WDR27: variants seen among roughly 807,000 people sequenced by gnomAD.
WDR27 encodes the protein WD repeat domain 27, also known as WD repeat-containing protein 27.
WDR27 carries 100 observed loss-of-function variants against 114.4 expected under a neutral mutation model. That is an observed-to-expected ratio of 0.87 (90% CI 0.74 to 1.03). WDR27 has a LOEUF of 1.03. Among genes scored for constraint, WDR27 ranks in the 50% least tolerant of loss-of-function variants. The pLI, the probability that WDR27 is intolerant of heterozygous loss-of-function variation, is 0.00. For missense variants in WDR27, 1,129 were observed against 1,092.9 expected, an observed-to-expected ratio of 1.03 and a Z score of -0.47; for synonymous variants, 449 against 423.1, an observed-to-expected ratio of 1.06 and a Z score of -0.75.
At chr6:169,584,907 A>G (rs1434588588) in intron 23 of WDR27, among the ~76,000 whole-genome samples, 2 of 152,228 alleles carry the variant, frequency 1.3e-5, no homozygotes, top group Non-Finnish European at 2.9e-5. Context: ...TTGATTTAAG[A>G]TTATATTACA....
At chr6:169,575,327 T>TCCATCCATCCATCCCTCCCTCC (rs1802106872) in intron 24 of WDR27, among the ~76,000 whole-genome samples, 1 of 89,886 alleles carries the variant, frequency 1.1e-5, no homozygotes, top group Non-Finnish European at 2.4e-5. Context: ...CCTCCCTCTC[T>TCCATCCATCCATCCCTCCCTCC]CTCTCTCCAT....
chr6:169,618,855 A>T (rs1812501979), intron 21 of WDR27, among the ~76,000 whole-genome samples: 1 of 152,206 alleles, frequency 6.6e-6, no homozygotes, highest in South Asian at 2.1e-4. Context: ...GTGCAACTGA[A>T]CAAAAATGTA....
At chr6:169,450,753 T>C in the WDR27 span, among the ~76,000 whole-genome samples, 1 of 152,136 alleles carries the variant, frequency 6.6e-6, no homozygotes. Flanking sequence ...TCTGGTGTCT[T>C]CCACTCAGCG....
At chr6:169,487,064 C>G (rs1038971649) in intron 25 of WDR27, among the ~76,000 whole-genome samples, 9 of 152,132 alleles carry the variant, frequency 5.9e-5, no homozygotes, top group Non-Finnish European at 8.8e-5. Context: ...GATTTGAATC[C>G]TGGCAGTGCC....
chr6:169,610,438 A>G (rs979304907), intron 22 of WDR27, among the ~76,000 whole-genome samples: 3 of 152,252 alleles, frequency 2.0e-5, no homozygotes, highest in African/African-American at 4.8e-5. Context: ...CATGGTTGGC[A>G]GCAGGGTAAA....
At position 169,677,552 on chromosome 6, in the gene WDR27, A is replaced by G. The variant is rs1380675034; in HGVS notation, c.190-5156T>C. The stretch of plus-strand genomic sequence containing the variant: ...AATTTGCAGCCCAGCCATGTGGCAA[A>G]AAGTAACTGTTTTTGGTGAGAGGAA... On this transcript the variant is annotated intron_variant, in intron 2 of 25. Coordinates refer to ENST00000448612, the MANE Select transcript of WDR27 (RefSeq NM_182552.5). Among the ~76,000 whole-genome samples, 5 of 152,258 alleles carry G rather than the reference A, an allele frequency of 3.3e-5. No homozygotes were observed. The East Asian group carries it at 9.6e-4, about 29-fold the overall frequency.
intron 2 of WDR27, among the ~76,000 whole-genome samples, chr6:169,680,514 G>A (rs541678920): frequency 5.3e-5 from 8 of 152,242 alleles, no homozygotes; most frequent in South Asian, 2.1e-4. Flanking sequence ...CCCGGGAGGC[G>A]GAGCTTGCAG....
rs1439664892 is a variant in WDR27 at position 169,614,761 on chromosome 6, C to T, written c.2224-1105G>A. Among the ~76,000 whole-genome samples the T allele has an allele frequency of 3.9e-4, 59 of 151,486 alleles. 1 individual carries two copies. The highest frequency in any genetic ancestry group is 3.9e-3 in the Admixed American group (59 of 15,200). On this transcript the variant is annotated intron_variant, in intron 21 of 25. Transcript: ENST00000448612. Reference sequence around the variant, plus strand: ...TACATGTTTTAAAATAATAATAATTCACACTAATAATTGAGCAGGTATTCA... The same window carrying T: ...TACATGTTTTAAAATAATAATAATTTACACTAATAATTGAGCAGGTATTCA...
intron 25 of WDR27, among the ~76,000 whole-genome samples, chr6:169,461,790 A>G (rs1364655054): frequency 1.3e-5 from 2 of 151,998 alleles, no homozygotes; most frequent in African/African-American, 2.4e-5. Flanking sequence ...CAAAATGGAG[A>G]AAAGAAAAAC....
At chr6:169,429,695 G>C in the WDR27 span, among the ~76,000 whole-genome samples, 5 of 152,054 alleles carry the variant, frequency 3.3e-5, no homozygotes, top group African/African-American at 9.7e-5. Context: ...CAACTTTGTC[G>C]GGCACCACAG....
intron 25 of WDR27, among the ~76,000 whole-genome samples, chr6:169,498,147 C>T (rs562588292): frequency 1.1e-4 from 16 of 151,882 alleles, no homozygotes; most frequent in African/African-American, 3.6e-4. Flanking sequence ...TGAAATAAGC[C>T]AGTTACAACA....
chr6:169,672,190 G>A (rs1194420653), intron 3 of WDR27, 65 bp downstream of exon 3: 18 of 1,553,014 alleles, frequency 1.2e-5, no homozygotes, highest in Admixed American at 3.7e-5. Context: ...GTGGTACCAA[G>A]TATACTGAAG....
the WDR27 span, among the ~76,000 whole-genome samples, chr6:169,446,274 G>T: frequency 6.6e-6 from 1 of 152,090 alleles, no homozygotes; most frequent in African/African-American, 2.4e-5. Flanking sequence ...TGAGCACCCA[G>T]GTCAGAGGCA....
In WDR27 at chr6:169,457,548, T is replaced by A. The variant is rs1784419948; in HGVS notation, c.*44A>T. 1.3e-6 allele frequency: 2 copies of A among 1,521,214 alleles called. No individual in the cohort carries two copies. Among genetic ancestry groups the A allele is most frequent in the Non-Finnish European group, 8.9e-7 (1 of 1,129,582 alleles). 94.2% of individuals were successfully genotyped at this position (1,521,214 alleles called of 1,614,324 possible). ...CTACTTCTTACTTTTAAGTTGTTCCTCACAGCATTCCTGGACCCAGCTCAC... is the reference window on the plus strand; with the variant it reads ...CTACTTCTTACTTTTAAGTTGTTCCACACAGCATTCCTGGACCCAGCTCAC... On this transcript the variant is annotated 3_prime_UTR_variant, in exon 26 of 26. Transcript: ENST00000448612.
rs1390718330 is a variant in WDR27 at position 169,659,294 on chromosome 6, G to C, written c.1198-87C>G. 2.6e-6 allele frequency: 4 copies of C among 1,557,428 alleles called. No homozygotes were observed. In the African/African-American group the frequency reaches 4.1e-5, roughly 16 times the overall value. On this transcript the variant is annotated intron_variant, in intron 11 of 25. Transcript: ENST00000448612. This position sits in a 1 kb window ranked among gnomAD's most constrained non-coding sequence, Gnocchi z 4.3. ...CATCCGCACACGTATCCTAACAGCT[G>C]CTTCATTCTCATAGCAGCGACATCG...
chr6:169,588,254 A>G (rs1448473269), intron 23 of WDR27, among the ~76,000 whole-genome samples: 1 of 152,170 alleles, frequency 6.6e-6, no homozygotes, highest in Non-Finnish European at 1.5e-5. Context: ...TGAAGTGATG[A>G]TTTCATACAG....
chr6:169,676,043 T>C (rs757232117), intron 2 of WDR27, among the ~76,000 whole-genome samples: 4 of 152,174 alleles, frequency 2.6e-5, no homozygotes, highest in Non-Finnish European at 4.4e-5. Flanking sequence ...AAGTAAGTCA[T>C]GATATACGGG....
intron 17 of WDR27, 122 bp downstream of exon 17, chr6:169,643,575 G>T: frequency 5.6e-6 from 4 of 720,228 alleles, no homozygotes; most frequent in Non-Finnish European, 9.1e-6. Context: ...TCCAATTCAA[G>T]CCATGGCTTT....
At chr6:169,471,423 T>A (rs1398069962) in intron 25 of WDR27, among the ~76,000 whole-genome samples, 1 of 152,164 alleles carries the variant, frequency 6.6e-6, no homozygotes, top group African/African-American at 2.4e-5. Flanking sequence ...GTAGTAGATT[T>A]TATTTTTTTA....
Sources: gnomAD v4.1 joint callset for allele counts (sites outside exome capture counted in the v4.1 genomes callset) on GRCh38, gnomAD v4.1.1 for gene constraint, Gnocchi (gnomAD v3.1) non-coding constraint, MANE v1.5 for transcripts, NCBI Gene and HGNC (gene_info 2026-07-23, HGNC 2026-07-21) for gene names.